The following CALCR variants were observed in gnomAD, a reference collection of about 807,000 sequenced individuals.
The protein encoded by CALCR is calcitonin receptor.
A neutral mutation model predicts 59.5 loss-of-function variants in CALCR; 47 were observed. That is an observed-to-expected ratio of 0.79 (90% CI 0.63 to 1.01). The LOEUF is 1.01. CALCR is among the 50% of genes least tolerant of loss of function. The pLI is 0.00. For missense variants in CALCR, 566 were observed against 597.1 expected (o/e 0.95, Z 0.54); for synonymous variants, 213 against 211.3 (o/e 1.01, Z -0.07).
chr7:93,448,167 G>C (rs529124831), intron 8 of CALCR, among the ~76,000 whole-genome samples: 1 of 152,006 alleles, frequency 6.6e-6, no homozygotes, highest in South Asian at 2.1e-4. Context: ...TACATTTCGT[G>C]TGCACAAAAA....
chr7:93,537,895 T>C (rs1789034377), intron 2 of CALCR, among the ~76,000 whole-genome samples: 1 of 151,700 alleles, frequency 6.6e-6, no homozygotes, highest in South Asian at 2.1e-4. Flanking sequence ...CCCAAGACAA[T>C]GTATTTTATG....
chr7:93,455,332 A>G (rs1800189039), intron 8 of CALCR, among the ~76,000 whole-genome samples: 1 of 151,862 alleles, frequency 6.6e-6, no homozygotes, highest in Admixed American at 6.6e-5. Context: ...TATTAGTTGC[A>G]ATTTCAATAA....
At chr7:93,552,729 G>A (rs983332706) in intron 2 of CALCR, among the ~76,000 whole-genome samples, 2 of 152,092 alleles carry the variant, frequency 1.3e-5, no homozygotes, top group South Asian at 2.1e-4. Context: ...CATGAATATA[G>A]CACATTAATA....
At chr7:93,461,873 T>C (rs757785805) in intron 7 of CALCR, among the ~76,000 whole-genome samples, 5 of 152,124 alleles carry the variant, frequency 3.3e-5, no homozygotes, top group Non-Finnish European at 5.9e-5. Flanking sequence ...AATCTTATAT[T>C]TATCATATTT....
At chr7:93,570,210 A>G (rs765451260) in intron 2 of CALCR, among the ~76,000 whole-genome samples, 2 of 152,196 alleles carry the variant, frequency 1.3e-5, no homozygotes, top group African/African-American at 2.4e-5. Context: ...CAGTCCTTGG[A>G]CCATTACTGA....
At chr7:93,547,845 G>T (rs146162864) in intron 2 of CALCR, among the ~76,000 whole-genome samples, 2 of 152,182 alleles carry the variant, frequency 1.3e-5, no homozygotes, top group African/African-American at 4.8e-5. Context: ...CTCATCAAAG[G>T]CCTCAGAACA....
intron 2 of CALCR, among the ~76,000 whole-genome samples, chr7:93,501,949 A>T (rs1389597586): frequency 6.6e-6 from 1 of 152,068 alleles, no homozygotes; most frequent in East Asian, 1.9e-4. Flanking sequence ...CAGGAAACAG[A>T]GCTCCAATCT....
At chr7:93,445,728 C>T (rs1451072696) in intron 8 of CALCR, among the ~76,000 whole-genome samples, 1 of 152,056 alleles carries the variant, frequency 6.6e-6, no homozygotes, top group Non-Finnish European at 1.5e-5. Flanking sequence ...TCACACTGAA[C>T]TCTCAACCAA....
chr7:93,463,474 T>G (rs10238618), intron 7 of CALCR, among the ~76,000 whole-genome samples: 1 of 151,906 alleles, frequency 6.6e-6, no homozygotes, highest in African/African-American at 2.4e-5. Context: ...ACTAACTTGA[T>G]GACATTTACA....
intron 2 of CALCR, among the ~76,000 whole-genome samples, chr7:93,516,718 A>G (rs1801658803): frequency 6.6e-6 from 1 of 151,876 alleles, no homozygotes; most frequent in Admixed American, 6.6e-5. Context: ...AAGATGATGG[A>G]TGAAGTTTTC....
intron 2 of CALCR, among the ~76,000 whole-genome samples, chr7:93,525,726 T>C (rs1467790175): frequency 6.6e-6 from 1 of 152,214 alleles, no homozygotes; most frequent in Non-Finnish European, 1.5e-5. Context: ...TCAGGATTAA[T>C]TCTTAAATTG....
At chr7:93,496,129 T>A (rs1801197137) in intron 2 of CALCR, among the ~76,000 whole-genome samples, 1 of 151,446 alleles carries the variant, frequency 6.6e-6, no homozygotes, top group Non-Finnish European at 1.5e-5. Context: ...AAATAATGTG[T>A]CTATTCTTAT....
chr7:93,435,103 C>T (rs1052043486), intron 12 of CALCR, among the ~76,000 whole-genome samples: 1 of 152,100 alleles, frequency 6.6e-6, no homozygotes, highest in African/African-American at 2.4e-5. Context: ...CTAGGGCAGC[C>T]ATTCTCCTAT....
rs1025630974 is a variant in CALCR, at chr7:93,507,894, T to C, written c.-26-20887A>G. Among the ~76,000 whole-genome samples, 3 of 149,942 alleles carry C rather than the reference T, an allele frequency of 2.0e-5. No homozygotes were observed. In the East Asian group the frequency reaches 5.9e-4, roughly 29 times the overall value. ...GCCGAGATGGCACCACTACACTCCA[T>C]CCTGGGTGACAGAGTGAGACTCCAT... On this transcript the variant is annotated intron_variant, in intron 2 of 13. Transcript: ENST00000426151.
intron 2 of CALCR, among the ~76,000 whole-genome samples, chr7:93,561,770 G>C (rs79120752): frequency 0.035 from 5,397 of 152,190 alleles, 327 homozygotes; most frequent in African/African-American, 0.12. Flanking sequence ...CATTAGACCA[G>C]ATTTGAGAAA....
intron 2 of CALCR, among the ~76,000 whole-genome samples, chr7:93,527,557 A>G (rs946174506): frequency 6.6e-6 from 1 of 152,098 alleles, no homozygotes; most frequent in African/African-American, 2.4e-5. Context: ...TTTAAATTTC[A>G]GTTTGCTTTA....
At position 93,426,318 on chromosome 7, in the gene CALCR, G is replaced by T. The variant is rs776130439; in HGVS notation, c.*38C>A. On this transcript the variant is annotated 3_prime_UTR_variant, in exon 14 of 14. Coordinates refer to ENST00000426151, the MANE Select transcript of CALCR (RefSeq NM_001742.4). ...ATGCATGGTCTTTCTCCCAGGAAATGATGGCTCAGTGATCACGATGCTGTG... is the reference window on the plus strand; with the variant it reads ...ATGCATGGTCTTTCTCCCAGGAAATTATGGCTCAGTGATCACGATGCTGTG... 2.6e-6 allele frequency: 3 copies of T among 1,142,368 alleles called. No homozygotes were observed. The highest frequency in any genetic ancestry group is 4.0e-6 in the Non-Finnish European group (3 of 751,690). The allele number at this position is 1,142,368 out of a possible 1,614,324, so 70.8% of individuals were successfully genotyped here.
chr7:93,462,679 T>C (rs1800360841), intron 7 of CALCR, among the ~76,000 whole-genome samples: 1 of 152,106 alleles, frequency 6.6e-6, no homozygotes, highest in Non-Finnish European at 1.5e-5. Context: ...CATACAGCAA[T>C]GATATTCTTA....
At chr7:93,434,318 G>A in intron 12 of CALCR, 24 bp from the exon 13 acceptor site, 2 of 1,573,234 alleles carry the variant, frequency 1.3e-6, no homozygotes, top group South Asian at 1.1e-5. Flanking sequence ...GAAAAATACA[G>A]TTGAAGTTAT....
Sources: allele counts gnomAD v4.1 joint callset (sites outside exome capture counted in the v4.1 genomes callset), GRCh38; gene constraint gnomAD v4.1.1; transcripts MANE v1.5; gene names NCBI Gene and HGNC (gene_info 2026-07-23, HGNC 2026-07-21).